SGK3: variants seen among roughly 807,000 people sequenced by gnomAD.
SGK3 encodes serine/threonine-protein kinase Sgk3.
SGK3 carries 47 observed loss-of-function variants against 68.5 expected under a neutral mutation model. The ratio of observed to expected loss-of-function variants is 0.69; its 90% confidence interval spans 0.54 to 0.87. The LOEUF (loss-of-function observed/expected upper bound fraction) is 0.87, where lower values mean the gene tolerates loss of function less well. Among genes scored for constraint, SGK3 ranks in the 40% least tolerant of loss-of-function variants. The pLI, the probability that SGK3 is intolerant of heterozygous loss-of-function variation, is 0.00. For missense variants in SGK3, 479 were observed against 575.5 expected, an observed-to-expected ratio of 0.83 and a Z score of 1.72; for synonymous variants, 181 against 189.1, an observed-to-expected ratio of 0.96 and a Z score of 0.35.
intron 3 of SGK3, among the ~76,000 whole-genome samples, chr8:66,801,264 G>C (rs1372639164): frequency 3.3e-5 from 5 of 152,060 alleles, no homozygotes; most frequent in Admixed American, 2.6e-4. Flanking sequence ...AAAAGTTATT[G>C]GTTTTGGAGC....
At chr8:66,827,154 G>T (rs1809094190) in intron 6 of SGK3, among the ~76,000 whole-genome samples, 1 of 151,508 alleles carries the variant, frequency 6.6e-6, no homozygotes, top group Non-Finnish European at 1.5e-5. Flanking sequence ...GGCTAAGGTG[G>T]GTGGATCATC....
chr8:66,750,754 C>T (rs1284137971), intron 1 of SGK3, among the ~76,000 whole-genome samples: 1 of 151,664 alleles, frequency 6.6e-6, no homozygotes, highest in East Asian at 1.9e-4. Context: ...CCTGTAATCC[C>T]AGCACTTTGG....
chr8:66,723,125 A>ATT (rs1804865581), intron 1 of SGK3, among the ~76,000 whole-genome samples: 12 of 52,198 alleles, frequency 2.3e-4, no homozygotes, highest in African/African-American at 4.6e-4. Context: ...ATATATATAT[A>ATT]TATATATTTT....
chr8:66,747,226 T>C (rs1297736139), intron 1 of SGK3, among the ~76,000 whole-genome samples: 1 of 152,154 alleles, frequency 6.6e-6, no homozygotes, highest in African/African-American at 2.4e-5. Context: ...CTCATGGTAT[T>C]AAGGTGTGAG....
At chr8:66,771,026 A>G (rs1806494161) in intron 1 of SGK3, among the ~76,000 whole-genome samples, 3 of 152,236 alleles carry the variant, frequency 2.0e-5, no homozygotes, top group South Asian at 4.1e-4. Flanking sequence ...GATGTTTTAT[A>G]TATTTTTTCT....
chr8:66,816,891 C>T (rs977905654), intron 5 of SGK3, among the ~76,000 whole-genome samples: 1 of 152,106 alleles, frequency 6.6e-6, no homozygotes, highest in East Asian at 2.0e-4. Flanking sequence ...AGTGCAGTGG[C>T]GTGATCTCGG....
At chr8:66,801,556 C>A (rs1807945849) in intron 3 of SGK3, among the ~76,000 whole-genome samples, 2 of 152,004 alleles carry the variant, frequency 1.3e-5, no homozygotes, top group Non-Finnish European at 2.9e-5. Flanking sequence ...GTGTGTAAAT[C>A]CAACTGTACC....
chr8:66,808,150 G>T (rs1276153799), intron 4 of SGK3, among the ~76,000 whole-genome samples: 1 of 152,182 alleles, frequency 6.6e-6, no homozygotes, highest in Non-Finnish European at 1.5e-5. Context: ...GTGGAAGTTA[G>T]ATGCCCTTGA....
chr8:66,798,712 G>T, intron 3 of SGK3, 87 bp downstream of exon 3: 1 of 1,142,456 alleles, frequency 8.8e-7, no homozygotes. Flanking sequence ...TGATTAAATT[G>T]ATACTCATAT....
intron 5 of SGK3, among the ~76,000 whole-genome samples, chr8:66,819,492 G>A (rs1307535135): frequency 6.6e-6 from 1 of 152,182 alleles, no homozygotes; most frequent in Non-Finnish European, 1.5e-5. Context: ...GAATCATTGA[G>A]TAATTTTTAG....
At chr8:66,735,946 T>G (rs978724811) in intron 1 of SGK3, among the ~76,000 whole-genome samples, 2 of 152,222 alleles carry the variant, frequency 1.3e-5, no homozygotes, top group Non-Finnish European at 2.9e-5. Context: ...CTTTAAAATT[T>G]ACATGTTATA....
chr8:66,834,509 C>T (rs1013970808), intron 8 of SGK3, among the ~76,000 whole-genome samples: 7 of 151,298 alleles, frequency 4.6e-5, no homozygotes, highest in African/African-American at 1.7e-4. Context: ...TTTTGAACTG[C>T]ATACTGGTTA....
chr8:66,778,226 A>C (rs1806796708), intron 1 of SGK3: 1 of 152,254 alleles, frequency 6.6e-6, no homozygotes, highest in African/African-American at 2.4e-5. Context: ...GGAGAACAAG[A>C]AGCATGCACA....
At chr8:66,754,735 G>A (rs1029491898) in intron 1 of SGK3, among the ~76,000 whole-genome samples, 3 of 152,218 alleles carry the variant, frequency 2.0e-5, no homozygotes, top group African/African-American at 7.2e-5. Flanking sequence ...CATCGCCCAC[G>A]TGGACAATCT....
chr8:66,836,859 C>A (rs1809557241), intron 10 of SGK3, among the ~76,000 whole-genome samples: 1 of 149,982 alleles, frequency 6.7e-6, no homozygotes, highest in African/African-American at 2.5e-5. Context: ...ACAGCCTCAA[C>A]CTCCTCAAAT....
chr8:66,775,371 C>G (rs1042709062), intron 1 of SGK3: 11 of 152,532 alleles, frequency 7.2e-5, no homozygotes, highest in South Asian at 2.1e-4. Flanking sequence ...CGGAGAACAG[C>G]CCCGGCACTG....
chr8:66,754,389 C>T (rs760183249), intron 1 of SGK3, among the ~76,000 whole-genome samples: 26 of 152,218 alleles, frequency 1.7e-4, no homozygotes, highest in Non-Finnish European at 2.9e-4. Flanking sequence ...AGACTCTACC[C>T]GCTTAATTCA....
intron 1 of SGK3, among the ~76,000 whole-genome samples, chr8:66,777,560 A>G (rs1284926194): frequency 2.6e-5 from 4 of 152,208 alleles, no homozygotes; most frequent in African/African-American, 9.7e-5. Flanking sequence ...TGTACCCCAC[A>G]TGCAAATAGC....
At chr8:66,831,359 T>G (rs764197599) in intron 8 of SGK3, 48 bp downstream of exon 8, 1 of 1,606,558 alleles carries the variant, frequency 6.2e-7, no homozygotes, top group Non-Finnish European at 8.5e-7. Flanking sequence ...TTTGGTTTTT[T>G]TTTTGGAGAC....
Sources: gnomAD v4.1 joint callset for allele counts (sites outside exome capture counted in the v4.1 genomes callset) on GRCh38, gnomAD v4.1.1 for gene constraint, MANE v1.5 for transcripts, NCBI Gene and HGNC (gene_info 2026-07-23, HGNC 2026-07-21) for gene names.